The following TSKS variants were observed in gnomAD, a reference collection of about 807,000 sequenced individuals.
The protein encoded by TSKS is testis specific serine kinase substrate, also known as testis-specific serine kinase substrate.
TSKS carries 27 observed loss-of-function variants against 68.0 expected under a neutral mutation model. The observed-to-expected ratio is 0.40, with a 90% CI of 0.29 to 0.55. The LOEUF is 0.55. Among genes scored for constraint, TSKS ranks in the 20% least tolerant of loss-of-function variants. The pLI is 0.53. For synonymous variants in TSKS, 331 were observed against 340.4 expected (o/e 0.97, Z 0.30); for missense variants, 806 against 776.0 (o/e 1.04, Z -0.46).
intron 2 of TSKS, among the ~76,000 whole-genome samples, chr19:49,753,426 G>A (rs1251484221): frequency 2.6e-5 from 4 of 151,960 alleles, no homozygotes; most frequent in South Asian, 4.1e-4. Context: ...GCTGGACGTG[G>A]TGGCGGGCGC....
intron 3 of TSKS, 54 bp from the exon 4 acceptor site, chr19:49,748,222 GA>G: frequency 6.3e-7 from 1 of 1,599,196 alleles, no homozygotes; most frequent in Non-Finnish European, 8.6e-7. Flanking sequence ...ACAGCCTGTG[GA>G]AAAGAAGATC....
chr19:49,756,872 C>T (rs1229922887), intron 2 of TSKS, among the ~76,000 whole-genome samples: 1 of 151,990 alleles, frequency 6.6e-6, no homozygotes, highest in Non-Finnish European at 1.5e-5. Context: ...CCAGCCTGGC[C>T]AACATGGTGA....
chr19:49,740,041 C>A lies in TSKS; in HGVS notation c.1622+18G>T. On this transcript the variant is annotated intron_variant, in intron 10 of 10. Transcript: ENST00000246801. Reference sequence around the variant, plus strand: ...CAAGATCTCACCCTCCTCCCATGCCCTCAGCCTCCTTCCTCACTCTGGCTT... The same window carrying A: ...CAAGATCTCACCCTCCTCCCATGCCATCAGCCTCCTTCCTCACTCTGGCTT... 1.2e-6 allele frequency: 2 copies of A among 1,614,082 alleles called. No individual in the cohort carries two copies. Among genetic ancestry groups the A allele is most frequent in the South Asian group, 2.2e-5 (2 of 91,042 alleles).
chr19:49,746,325 C>CGATG, intron 6 of TSKS, 145 bp downstream of exon 6: 2 of 950,300 alleles, frequency 2.1e-6, no homozygotes, highest in Non-Finnish European at 3.1e-6. Flanking sequence ...ACCTCAGGTC[C>CGATG]CCGAGGCTCC....
chr19:49,752,136 C>T (rs1770267902), intron 2 of TSKS, among the ~76,000 whole-genome samples: 1 of 152,130 alleles, frequency 6.6e-6, no homozygotes, highest in African/African-American at 2.4e-5. Flanking sequence ...GTAATCCCAG[C>T]ACTCTGGGAG....
intron 9 of TSKS, 156 bp from the exon 10 acceptor site, chr19:49,740,339 A>G (rs2084242172): frequency 1.2e-6 from 1 of 851,070 alleles, no homozygotes; most frequent in African/African-American, 1.7e-5. Context: ...TGACCCCAGC[A>G]TCCCACAATG....
At chr19:49,756,384 A>G (rs59279982) in intron 2 of TSKS, among the ~76,000 whole-genome samples, 10,703 of 152,120 alleles carry the variant, frequency 0.07, 479 homozygotes, top group Admixed American at 0.15. Flanking sequence ...GTTTGAGCCC[A>G]GGAGGTTGAG....
intron 7 of TSKS, among the ~76,000 whole-genome samples, chr19:49,744,851 A>G (rs563670382): frequency 1.1e-4 from 17 of 152,106 alleles, no homozygotes; most frequent in South Asian, 1.0e-3. Flanking sequence ...CGGCCTCCCA[A>G]TGTGCTGGGA....
chr19:49,747,374 C>T lies in TSKS; in HGVS notation c.663+15G>A. The T allele has an allele frequency of 1.2e-6, 2 of 1,614,118 alleles. No homozygotes were observed. Among genetic ancestry groups the T allele is most frequent in the Non-Finnish European group, 1.7e-6 (2 of 1,180,004 alleles). ...CCTCCTCCCACAAATCCTGGGACTGCCCCCTAGCCCTTACCTCCAGCAGGG... is the reference window on the plus strand; with the variant it reads ...CCTCCTCCCACAAATCCTGGGACTGTCCCCTAGCCCTTACCTCCAGCAGGG... On this transcript the variant is annotated intron_variant, in intron 5 of 10. Transcript: ENST00000246801.
chr19:49,754,834 T>C (rs2084380660), intron 2 of TSKS, among the ~76,000 whole-genome samples: 1 of 152,032 alleles, frequency 6.6e-6, no homozygotes, highest in African/African-American at 2.4e-5. Context: ...GCGCAATGGC[T>C]CACACCTGTA....
intron 9 of TSKS, among the ~76,000 whole-genome samples, chr19:49,740,606 G>A (rs945853153): frequency 1.6e-4 from 25 of 152,196 alleles, no homozygotes; most frequent in Non-Finnish European, 2.9e-4. Flanking sequence ...AGTCCTGGCC[G>A]GGCGCAGTGG....
At chr19:49,751,843 AC>A (rs1302380274) in intron 2 of TSKS, among the ~76,000 whole-genome samples, 2 of 140,858 alleles carry the variant, frequency 1.4e-5, no homozygotes, top group Non-Finnish European at 3.0e-5. Context: ...CAGGAGGTTC[AC>A]TTGAGCTCAG....
intron 2 of TSKS, among the ~76,000 whole-genome samples, chr19:49,753,031 C>T (rs2084363551): frequency 6.6e-6 from 1 of 152,248 alleles, no homozygotes; most frequent in Non-Finnish European, 1.5e-5. Context: ...TCTCTCCAAT[C>T]ATTAGCTAAC....
intron 9 of TSKS, among the ~76,000 whole-genome samples, chr19:49,740,961 G>A (rs1466656756): frequency 2.0e-5 from 3 of 151,804 alleles, no homozygotes; most frequent in Admixed American, 6.6e-5. Context: ...GGCGGATCAC[G>A]AGATCAGGAG....
rs2084280331 is a variant in TSKS, at chr19:49,744,521, C to T, written c.1188-117G>A. The T allele has an allele frequency of 5.1e-6, 5 of 980,740 alleles. No homozygotes were observed. The South Asian group carries it at 6.2e-5, about 12-fold the overall frequency. The allele number at this position is 980,740 out of a possible 1,614,324, so 60.8% of individuals were successfully genotyped here. ...TCCATCTGGTCAGCAATTCTCCACC[C>T]TGCCCTCCCCTCTCTGCTCTGACTG... On this transcript the variant is annotated intron_variant, in intron 7 of 10. Coordinates refer to ENST00000246801, the MANE Select transcript of TSKS (RefSeq NM_021733.2).
At chr19:49,749,876 T>C (rs2084334501) in intron 2 of TSKS, among the ~76,000 whole-genome samples, 2 of 152,112 alleles carry the variant, frequency 1.3e-5, no homozygotes, top group Admixed American at 6.6e-5. Flanking sequence ...CCTGTAAGTG[T>C]TGGTCTTACA....
At chr19:49,742,252 CA>C (rs1192540960) in intron 8 of TSKS, among the ~76,000 whole-genome samples, 1 of 152,062 alleles carries the variant, frequency 6.6e-6, no homozygotes, top group African/African-American at 2.4e-5. Flanking sequence ...GGCTGGAGTG[CA>C]GTGGCGCAAT....
chr19:49,741,870 C>T lies in TSKS; in HGVS notation c.1497+15G>A, dbSNP rs1213303852. 2.5e-6 allele frequency: 4 copies of T among 1,614,020 alleles called. No individual in the cohort carries two copies. The Admixed American group carries it at 6.7e-5, about 27-fold the overall frequency. The stretch of plus-strand genomic sequence containing the variant: ...AAAAGTAAAGTGGGACATGGTGGCC[C>T]ATATTCCCTGGTACCAGAATCTTCT... On this transcript the variant is annotated intron_variant, in intron 9 of 10. Transcript: ENST00000246801.
rs1437616631 is a variant in TSKS at position 49,740,194 on chromosome 19, G to T, written c.1498-11C>A. The T allele has an allele frequency of 1.2e-6, 2 of 1,606,888 alleles. No homozygotes were observed. On this transcript the variant is annotated splice_polypyrimidine_tract_variant and intron_variant, in intron 9 of 10. Coordinates refer to ENST00000246801, the MANE Select transcript of TSKS (RefSeq NM_021733.2). ...CTGGCGCTCCAGCTCCTGGGGAGAG[G>T]AGCGTAGGCGTAGCTGGGCTTGCTG...
Sources: allele counts gnomAD v4.1 joint callset (sites outside exome capture counted in the v4.1 genomes callset), GRCh38; gene constraint gnomAD v4.1.1; transcripts MANE v1.5; gene names NCBI Gene and HGNC (gene_info 2026-07-23, HGNC 2026-07-21).